The following PDE1A variants were observed in gnomAD, a reference collection of about 807,000 sequenced individuals.
PDE1A encodes the protein phosphodiesterase 1A.
PDE1A carries 35 observed loss-of-function variants against 61.7 expected under a neutral mutation model. The ratio of observed to expected loss-of-function variants is 0.57; its 90% CI spans 0.43 to 0.75. PDE1A has a LOEUF of 0.75. PDE1A is among the 30% of genes least tolerant of loss of function. PDE1A has a pLI of 0.00. For synonymous variants in PDE1A, 232 were observed against 213.2 expected, an observed-to-expected ratio of 1.09 and a Z score of -0.77; for missense variants, 597 against 630.6, an observed-to-expected ratio of 0.95 and a Z score of 0.57.
intron 13 of PDE1A, among the ~76,000 whole-genome samples, chr2:182,172,043 C>T (rs1446545676): frequency 6.6e-6 from 1 of 151,938 alleles, no homozygotes; most frequent in African/African-American, 2.4e-5. Flanking sequence ...ATAGCAAATG[C>T]AGACATAAAA....
At chr2:182,364,484 A>AAAAAAAAAAC (rs1559379165) in intron 1 of PDE1A, among the ~76,000 whole-genome samples, 2 of 146,992 alleles carry the variant, frequency 1.4e-5, no homozygotes, top group Admixed American at 6.8e-5. Context: ...AAAAAAAAAA[A>AAAAAAAAAAC]AAAAAAAAAA....
intron 1 of PDE1A, among the ~76,000 whole-genome samples, chr2:182,270,607 C>T (rs1358499797): frequency 6.6e-6 from 1 of 150,970 alleles, no homozygotes; most frequent in Non-Finnish European, 1.5e-5. Flanking sequence ...TATTATATAA[C>T]TATCAACGTT....
At chr2:182,474,517 C>T (rs1687234417) in intron 2 of PDE1A, among the ~76,000 whole-genome samples, 1 of 151,870 alleles carries the variant, frequency 6.6e-6, no homozygotes. Flanking sequence ...AGCCACTTAA[C>T]TCCTCTGAAC....
the PDE1A span, among the ~76,000 whole-genome samples, chr2:182,657,426 C>T: frequency 6.6e-6 from 1 of 152,114 alleles, no homozygotes; most frequent in Non-Finnish European, 1.5e-5. Flanking sequence ...GCCCTAACAA[C>T]AAAAGTGATT....
At chr2:182,627,807 G>A in the PDE1A span, among the ~76,000 whole-genome samples, 2 of 151,852 alleles carry the variant, frequency 1.3e-5, no homozygotes, top group Non-Finnish European at 2.9e-5. Context: ...AGCCAGGCGT[G>A]GTGGTGCAAT....
At chr2:182,617,458 C>G in the PDE1A span, among the ~76,000 whole-genome samples, 1 of 152,162 alleles carries the variant, frequency 6.6e-6, no homozygotes, top group Admixed American at 6.6e-5. Flanking sequence ...AATCTATATC[C>G]TTTGTTGTAA....
At chr2:182,427,274 T>G (rs1703680773), upstream of PDE1A, among the ~76,000 whole-genome samples, 1 of 152,216 alleles carries the variant, frequency 6.6e-6, no homozygotes, top group Non-Finnish European at 1.5e-5. Context: ...GGCTGAAGTG[T>G]GGAGACGACT....
At chr2:182,478,151 G>GT (rs1329208701) in intron 2 of PDE1A, among the ~76,000 whole-genome samples, 1 of 151,782 alleles carries the variant, frequency 6.6e-6, no homozygotes, top group African/African-American at 2.4e-5. Flanking sequence ...TTTGATGAGT[G>GT]TTTCTTTTAA....
chr2:182,341,838 A>C (rs1031533993), intron 1 of PDE1A, among the ~76,000 whole-genome samples: 2 of 152,106 alleles, frequency 1.3e-5, no homozygotes, highest in Admixed American at 6.6e-5. Context: ...GCTCACTGCA[A>C]CCTCAAACCT....
At chr2:182,174,402 T>A (rs1382940141) in intron 13 of PDE1A, among the ~76,000 whole-genome samples, 1 of 152,078 alleles carries the variant, frequency 6.6e-6, no homozygotes, top group Non-Finnish European at 1.5e-5. Context: ...CAATAACAAC[T>A]TTTTCACATG....
At chr2:182,530,443 AG>A in the PDE1A span, among the ~76,000 whole-genome samples, 1 of 152,338 alleles carries the variant, frequency 6.6e-6, no homozygotes, top group Non-Finnish European at 1.5e-5. Flanking sequence ...GATCTCAAAT[AG>A]GGTAAACCCA....
chr2:182,361,513 G>A (rs1374065221), intron 1 of PDE1A, among the ~76,000 whole-genome samples: 3 of 152,024 alleles, frequency 2.0e-5, no homozygotes, highest in Admixed American at 1.3e-4. Context: ...ATAGCACACA[G>A]CTAAATATTT....
At chr2:182,273,476 T>A (rs564618191) in intron 1 of PDE1A, among the ~76,000 whole-genome samples, 18 of 151,460 alleles carry the variant, frequency 1.2e-4, no homozygotes, top group African/African-American at 4.3e-4. Context: ...ATAAAAAATA[T>A]ATATATATAT....
chr2:182,430,132 T>C (rs1703857133), upstream of PDE1A, among the ~76,000 whole-genome samples: 1 of 151,984 alleles, frequency 6.6e-6, no homozygotes, highest in African/African-American at 2.4e-5. Flanking sequence ...AAAGAGCTTC[T>C]GCACAGCAAA....
At chr2:182,575,734 A>T in the PDE1A span, among the ~76,000 whole-genome samples, 8 of 146,044 alleles carry the variant, frequency 5.5e-5, no homozygotes, top group Non-Finnish European at 3.0e-5. Flanking sequence ...GATATATATA[A>T]AAACTTAATA....
intron 1 of PDE1A, among the ~76,000 whole-genome samples, chr2:182,376,074 G>A (rs767139209): frequency 2.6e-5 from 4 of 152,164 alleles, no homozygotes; most frequent in East Asian, 3.9e-4. Flanking sequence ...GTAATGGGAG[G>A]GACTGCTGCA....
At chr2:182,259,574 G>A (rs1327444633) in intron 2 of PDE1A, among the ~76,000 whole-genome samples, 1 of 152,098 alleles carries the variant, frequency 6.6e-6, no homozygotes, top group Non-Finnish European at 1.5e-5. Flanking sequence ...TTATTTTGTA[G>A]ATGATAAAGC....
chr2:182,508,969 G>C (rs6709051), intron 2 of PDE1A, among the ~76,000 whole-genome samples: 45,921 of 128,984 alleles, frequency 0.36, 8,904 homozygotes, highest in Middle Eastern at 0.48. Flanking sequence ...CCTACCCCCA[G>C]CCCACAACAG....
chr2:182,204,430 C>T (rs954586434), intron 8 of PDE1A, among the ~76,000 whole-genome samples: 11 of 152,212 alleles, frequency 7.2e-5, no homozygotes, highest in Admixed American at 6.5e-4. Context: ...TGGGACCACT[C>T]GTACACATAT....
Sources: allele counts gnomAD v4.1 joint callset (sites outside exome capture counted in the v4.1 genomes callset), GRCh38; gene constraint gnomAD v4.1.1; transcripts MANE v1.5; gene names NCBI Gene and HGNC (gene_info 2026-07-23, HGNC 2026-07-21).